The following EBF3 variants were observed in gnomAD, a reference collection of about 807,000 sequenced individuals.
EBF3 encodes EBF transcription factor 3.
A neutral mutation model predicts 77.1 loss-of-function variants in EBF3; 18 were observed. The observed-to-expected ratio is 0.23, with a 90% CI of 0.16 to 0.35. The LOEUF (loss-of-function observed/expected upper bound fraction) is 0.35, where lower values mean the gene tolerates loss of function less well. Ranked by LOEUF, EBF3 falls within the 10% of genes least tolerant of loss-of-function variation. The pLI is 1.00. For synonymous variants in EBF3, 350 were observed against 343.5 expected (o/e 1.02, Z -0.21); for missense variants, 558 against 860.0 (o/e 0.65, Z 4.39).
At chr10:129,924,286 G>A (rs180899216) in intron 6 of EBF3, among the ~76,000 whole-genome samples, 77 of 152,186 alleles carry the variant, frequency 5.1e-4, no homozygotes, top group East Asian at 4.8e-3. Context: ...GTGATGGTAC[G>A]TACCTGTAAT....
At position 129,963,572 on chromosome 10, in the gene EBF3, G is replaced by A. The variant is rs1859702367; in HGVS notation, c.135-49C>T. ...CCCGGTGAGGAGCGCGGCGCCGGCC[G>A]GCGGAGGGGGCCGGGCCGGGCCGGG... is the stretch of plus-strand genomic sequence containing the variant. On this transcript the variant is annotated intron_variant, in intron 1 of 16. Transcript: ENST00000440978. The surrounding 1 kb of genome is among the most constrained non-coding windows in gnomAD (Gnocchi z 7.1). 2 of 1,276,140 alleles carry A rather than the reference G, an allele frequency of 1.6e-6. No homozygotes were observed. The highest frequency in any genetic ancestry group is 3.2e-5 in the African/African-American group (2 of 63,344). The allele number at this position is 1,276,140 out of a possible 1,614,324, so 79.1% of individuals were successfully genotyped here.
rs1441693804 is a variant in EBF3, at chr10:129,935,571, G to A, written c.554+21687C>T. Reference sequence around the variant, plus strand: ...CACCCATATGTAAGGCATGGGGTTAGATACATGCACCCCACAAGGCTGGCG... The same window carrying A: ...CACCCATATGTAAGGCATGGGGTTAAATACATGCACCCCACAAGGCTGGCG... On this transcript the variant is annotated intron_variant, in intron 6 of 16. Coordinates refer to ENST00000440978, the MANE Select transcript of EBF3 (RefSeq NM_001375380.1). The surrounding 1 kb of genome is among the most constrained non-coding windows in gnomAD (Gnocchi z 4.2). Among the ~76,000 whole-genome samples the A allele has an allele frequency of 6.6e-6, 1 of 152,212 alleles. No individual in the cohort carries two copies. The highest frequency in any genetic ancestry group is 2.4e-5 in the African/African-American group (1 of 41,462).
At chr10:129,844,650 G>C (rs750261575) in intron 11 of EBF3, among the ~76,000 whole-genome samples, 6 of 151,982 alleles carry the variant, frequency 3.9e-5, no homozygotes, top group African/African-American at 1.2e-4. Flanking sequence ...CGTGCCATAC[G>C]TTCCCAGGAA....
chr10:129,898,889 G>A (rs775092617), intron 6 of EBF3, among the ~76,000 whole-genome samples: 1 of 152,216 alleles, frequency 6.6e-6, no homozygotes, highest in African/African-American at 2.4e-5. Flanking sequence ...CGCGGCCGGC[G>A]TCCCCTCTGC....
chr10:129,902,726 C>T (rs1037547687), intron 6 of EBF3, among the ~76,000 whole-genome samples: 1 of 152,098 alleles, frequency 6.6e-6, no homozygotes, highest in Non-Finnish European at 1.5e-5. Flanking sequence ...ACTAACTGTA[C>T]GAAAAGAACT....
In EBF3 at chr10:129,846,801, C is replaced by T. The variant is rs1850495670; in HGVS notation, c.1128+1591G>A. ...GTGAAGCCTGAACAATACGTTTTCA[C>T]CTGAATTAAAAGAGCTAAGTAATAT... On this transcript the variant is annotated intron_variant, in intron 11 of 16. Transcript: ENST00000440978. 3.3e-5 allele frequency among the ~76,000 whole-genome samples: 5 copies of T among 152,076 alleles called. No individual in the cohort carries two copies. The South Asian group carries it at 1.0e-3, about 32-fold the overall frequency.
At chr10:129,877,664 C>T in intron 7 of EBF3, 104 bp downstream of exon 7, 1 of 967,238 alleles carries the variant, frequency 1.0e-6, no homozygotes, top group Middle Eastern at 2.1e-4. Context: ...CTTCCAAGCC[C>T]TTAAAGAACT....
In EBF3 at chr10:129,963,982, C is replaced by CCGG. The variant is rs1235527637; in HGVS notation, c.-217_-215dup. 16 of 1,019,066 alleles carry CCGG rather than the reference C, an allele frequency of 1.6e-5. No homozygotes were observed. In the Admixed American group the frequency reaches 4.1e-4, roughly 26 times the overall value. 63.1% of individuals were successfully genotyped at this position (1,019,066 alleles called of 1,614,324 possible). ...GGCCAGGGGCGCGGAGGCGGCTCCA[C>CCGG]CGGCGGCGGCGGCGCTTCGAAGGAG... On this transcript the variant is annotated 5_prime_UTR_variant, in exon 1 of 17. Coordinates refer to ENST00000440978, the MANE Select transcript of EBF3 (RefSeq NM_001375380.1). This position sits in a 1 kb window ranked among gnomAD's most constrained non-coding sequence, Gnocchi z 7.1.
rs1431953959 is a variant in EBF3, at chr10:129,935,523, A to G, written c.554+21735T>C. Among the ~76,000 whole-genome samples the G allele has an allele frequency of 6.6e-6, 1 of 152,162 alleles. No individual in the cohort carries two copies. The highest frequency in any genetic ancestry group is 1.5e-5 in the Non-Finnish European group (1 of 68,014). On this transcript the variant is annotated intron_variant, in intron 6 of 16. Transcript: ENST00000440978. The surrounding 1 kb of genome is among the most constrained non-coding windows in gnomAD (Gnocchi z 4.2). ...ACCCTAAGAACAAGCCTCCCAACTC[A>G]GCGCCAACTGCGGAGCACCAAGCAC...
intron 6 of EBF3, among the ~76,000 whole-genome samples, chr10:129,896,418 G>A (rs1040180607): frequency 2.6e-5 from 4 of 152,110 alleles, no homozygotes; most frequent in Admixed American, 6.5e-5. Flanking sequence ...CTCCGCTCCC[G>A]GCCACGCGGC....
chr10:129,842,492 G>A lies in EBF3; in HGVS notation c.1195-199C>T, dbSNP rs146708166. 2.6e-5 allele frequency among the ~76,000 whole-genome samples: 4 copies of A among 152,166 alleles called. No individual in the cohort carries two copies. The highest frequency in any genetic ancestry group is 1.9e-4 in the East Asian group (1 of 5,170). On this transcript the variant is annotated intron_variant, in intron 12 of 16. Coordinates refer to ENST00000440978, the MANE Select transcript of EBF3 (RefSeq NM_001375380.1). This position sits in a 1 kb window ranked among gnomAD's most constrained non-coding sequence, Gnocchi z 4.4. ...AAGTGTGCAATATCTGGCTGGGCACGGTGGCTCACTCCTGTAATCCCAGCA... is the reference window on the plus strand; with the variant it reads ...AAGTGTGCAATATCTGGCTGGGCACAGTGGCTCACTCCTGTAATCCCAGCA...
chr10:129,846,147 T>TGTGTGTGTG (rs58598111), intron 11 of EBF3, among the ~76,000 whole-genome samples: 1 of 146,994 alleles, frequency 6.8e-6, no homozygotes, highest in Non-Finnish European at 1.5e-5. Context: ...TGTGTGTGTG[T>TGTGTGTGTG]AAAACATTTG....
chr10:129,843,909 C>T (rs191884333), intron 11 of EBF3, among the ~76,000 whole-genome samples: 26 of 152,358 alleles, frequency 1.7e-4, no homozygotes, highest in South Asian at 1.0e-3. Flanking sequence ...GTCTTATCCA[C>T]GTCTGCACGC....
intron 6 of EBF3, among the ~76,000 whole-genome samples, chr10:129,931,696 T>C (rs1405593379): frequency 1.3e-5 from 2 of 152,258 alleles, no homozygotes; most frequent in Non-Finnish European, 1.5e-5. Flanking sequence ...CTTCTCATTC[T>C]TTCTCTATTG....
chr10:129,916,873 C>A (rs1335836284), intron 6 of EBF3, among the ~76,000 whole-genome samples: 1 of 152,164 alleles, frequency 6.6e-6, no homozygotes, highest in Non-Finnish European at 1.5e-5. Context: ...GGAGTTCCTG[C>A]CATAGCAGAG....
At chr10:129,888,482 C>T (rs1177107065) in intron 6 of EBF3, among the ~76,000 whole-genome samples, 1 of 152,260 alleles carries the variant, frequency 6.6e-6, no homozygotes, top group Non-Finnish European at 1.5e-5. Context: ...CCGCGGAGGC[C>T]CAGTCCCACT....
intron 4 of EBF3, among the ~76,000 whole-genome samples, chr10:129,960,969 C>G (rs1295704461): frequency 6.6e-6 from 1 of 152,162 alleles, no homozygotes; most frequent in East Asian, 1.9e-4. Context: ...TCAGAAAGAC[C>G]TTAGTTTACC....
At chr10:129,921,065 AG>A (rs1445967657) in intron 6 of EBF3, among the ~76,000 whole-genome samples, 4 of 152,238 alleles carry the variant, frequency 2.6e-5, no homozygotes, top group Non-Finnish European at 5.9e-5. Context: ...GCTCCAGCAT[AG>A]ACAGAGTCAG....
At chr10:129,950,133 G>A (rs1858561114) in intron 6 of EBF3, among the ~76,000 whole-genome samples, 1 of 152,136 alleles carries the variant, frequency 6.6e-6, no homozygotes, top group Admixed American at 6.5e-5. Flanking sequence ...TCTTCCAGCA[G>A]AGACACGCTG....
Sources: gnomAD v4.1 joint callset for allele counts (sites outside exome capture counted in the v4.1 genomes callset) on GRCh38, gnomAD v4.1.1 for gene constraint, Gnocchi (gnomAD v3.1) non-coding constraint, MANE v1.5 for transcripts, NCBI Gene and HGNC (gene_info 2026-07-23, HGNC 2026-07-21) for gene names.